Variants in MCM3 observed in about 807,000 individuals in gnomAD.
MCM3 encodes minichromosome maintenance complex component 3.
Under a neutral mutation model 91.3 loss-of-function variants are expected in MCM3, and 59 were observed. The observed-to-expected ratio is 0.65, with a 90% CI of 0.52 to 0.80. The LOEUF is 0.80. Among genes scored for constraint, MCM3 ranks in the 30% least tolerant of loss-of-function variants. The pLI is 0.00. For synonymous variants in MCM3, 383 were observed against 379.6 expected, an observed-to-expected ratio of 1.01 and a Z score of -0.10; for missense variants, 919 against 1,035.4, an observed-to-expected ratio of 0.89 and a Z score of 1.54.
intron 8 of MCM3, 28 bp downstream of exon 8, chr6:52,277,039 C>A (rs759609421): frequency 1.7e-5 from 27 of 1,602,426 alleles, no homozygotes; most frequent in Non-Finnish European, 2.3e-5. Flanking sequence ...CTCTGCTGGG[C>A]CTTTGCCAAG....
intron 12 of MCM3, 131 bp from the exon 13 acceptor site, chr6:52,269,357 G>A: frequency 2.7e-6 from 2 of 730,144 alleles, no homozygotes; most frequent in Non-Finnish European, 4.5e-6. Flanking sequence ...AGAGTTCTGT[G>A]TTCTCTACAG....
intron 1 of MCM3, among the ~76,000 whole-genome samples, chr6:52,283,648 C>G (rs17239825): frequency 0.038 from 5,786 of 152,300 alleles, 149 homozygotes; most frequent in Middle Eastern, 0.078. Flanking sequence ...TTCCCATCAT[C>G]ATGGACAACT....
At chr6:52,281,711 G>A (rs929077556) in intron 4 of MCM3, among the ~76,000 whole-genome samples, 6 of 152,006 alleles carry the variant, frequency 3.9e-5, no homozygotes, top group Non-Finnish European at 7.4e-5. Flanking sequence ...GCCAGGTGGC[G>A]TAGCACATGC....
rs1022041777 is a variant in MCM3, at chr6:52,283,485, A to C, written c.79-79T>G. 3 of 955,656 alleles carry C rather than the reference A, an allele frequency of 3.1e-6. No individual in the cohort carries two copies. The Admixed American group carries it at 5.2e-5, about 16-fold the overall frequency. 59.2% of individuals were successfully genotyped at this position (955,656 alleles called of 1,614,324 possible). A position where few individuals can be genotyped will look rare whatever the true frequency, so the allele number is the denominator to read the frequency against. On this transcript the variant is annotated intron_variant, in intron 1 of 16. Coordinates refer to ENST00000596288, the MANE Select transcript of MCM3 (RefSeq NM_002388.6). ...CTAAACAGAAGTAGTTCTCATAGCC[A>C]GATAGCTAAGTCAATCTCTGCAGCA...
intron 13 of MCM3, among the ~76,000 whole-genome samples, 185 bp downstream of exon 13, chr6:52,268,901 T>G (rs1390721525): frequency 2.0e-5 from 3 of 152,210 alleles, no homozygotes; most frequent in Non-Finnish European, 4.4e-5. Context: ...GATTCTCTGG[T>G]GCAGTCAGGG....
intron 8 of MCM3, 36 bp from the exon 9 acceptor site, chr6:52,276,512 C>A: frequency 1.3e-6 from 2 of 1,563,246 alleles, no homozygotes; most frequent in South Asian, 2.3e-5. Flanking sequence ...GTGCTACAGT[C>A]TAGGTTATAG....
chr6:52,266,733 T>C lies in MCM3; in HGVS notation c.2073-37A>G, dbSNP rs765673519. ...ACAGCAGTTAAGAGAGAGAAAGAGT[T>C]TGGAGACAGAAAGGCAAGGAAGCCC... is the stretch of plus-strand genomic sequence containing the variant. On this transcript the variant is annotated intron_variant, in intron 14 of 16. Transcript: ENST00000596288. The C allele has an allele frequency of 5.8e-6, 9 of 1,553,406 alleles. No homozygotes were observed. In the South Asian group the frequency reaches 8.9e-5, roughly 15 times the overall value.
At chr6:52,281,607 G>A (rs1766103217) in intron 4 of MCM3, among the ~76,000 whole-genome samples, 1 of 152,036 alleles carries the variant, frequency 6.6e-6, no homozygotes, top group African/African-American at 2.4e-5. Flanking sequence ...TTGAGTCCAG[G>A]AGTTTCAGGC....
intron 14 of MCM3, among the ~76,000 whole-genome samples, chr6:52,267,032 C>T (rs1189843795): frequency 6.6e-6 from 1 of 151,148 alleles, no homozygotes; most frequent in Non-Finnish European, 1.5e-5. Flanking sequence ...AGCATTTCTT[C>T]AGTAGAGGGG....
chr6:52,270,793 G>A (rs1765068031), intron 12 of MCM3, among the ~76,000 whole-genome samples: 2 of 152,348 alleles, frequency 1.3e-5, no homozygotes, highest in South Asian at 4.1e-4. Flanking sequence ...TAATGAGGAA[G>A]ACAGGCGATA....
chr6:52,269,552 G>A (rs1031914473), intron 12 of MCM3, among the ~76,000 whole-genome samples: 2 of 152,172 alleles, frequency 1.3e-5, no homozygotes, highest in Non-Finnish European at 2.9e-5. Context: ...AATGCAGCAG[G>A]AAGTTTGCCT....
At chr6:52,266,348 G>T (rs1764639861) in intron 15 of MCM3, among the ~76,000 whole-genome samples, 1 of 152,172 alleles carries the variant, frequency 6.6e-6, no homozygotes. Flanking sequence ...AGTCAGGCAG[G>T]AGACCCTCAA....
chr6:52,277,237 C>A (rs1369745489), intron 7 of MCM3, 39 bp from the exon 8 acceptor site: 2 of 1,588,800 alleles, frequency 1.3e-6, no homozygotes, highest in Non-Finnish European at 1.7e-6. Context: ...TAGGAAACTC[C>A]CCAGCACCCC....
chr6:52,277,315 T>C lies in MCM3; in HGVS notation c.1034-117A>G, dbSNP rs1008422178. 12 of 1,195,716 alleles carry C rather than the reference T, an allele frequency of 1.0e-5. No homozygotes were observed. In the African/African-American group the frequency reaches 1.5e-4, roughly 15 times the overall value. 74.1% of individuals were successfully genotyped at this position (1,195,716 alleles called of 1,614,324 possible). On this transcript the variant is annotated intron_variant, in intron 7 of 16. Coordinates refer to ENST00000596288, the MANE Select transcript of MCM3 (RefSeq NM_002388.6). ...GTCACACAGTAAGTGGATTTTAATA[T>C]TTTTCCTTCGCTTTTCCCTTCACCA...
chr6:52,280,538 TAGCAG>T (rs1343430885), intron 4 of MCM3, among the ~76,000 whole-genome samples: 1 of 152,234 alleles, frequency 6.6e-6, no homozygotes, highest in Non-Finnish European at 1.5e-5. Context: ...CACAGTTAAG[TAGCAG>T]AGTCTTGACT....
At chr6:52,272,162 A>T in intron 12 of MCM3, 139 bp downstream of exon 12, 1 of 774,746 alleles carries the variant, frequency 1.3e-6, no homozygotes, top group Non-Finnish European at 1.9e-6. Context: ...GGAAATGATT[A>T]AAATTGTATA....
Position 52,271,040 on chromosome 6 carries a change from G to A in MCM3, c.1827+1261C>T, listed in dbSNP as rs141516602. ...AGCCTGGTCAACACAGTGAAACCCCGTCTCTACTAAAAATACAAAATTAGC... is the reference window on the plus strand; with the variant it reads ...AGCCTGGTCAACACAGTGAAACCCCATCTCTACTAAAAATACAAAATTAGC... On this transcript the variant is annotated intron_variant, in intron 12 of 16. Transcript: ENST00000596288. 2.2e-3 allele frequency among the ~76,000 whole-genome samples: 328 copies of A among 151,990 alleles called. 3 individuals carry two copies. The highest frequency in any genetic ancestry group is 0.011 in the South Asian group (55 of 4,810).
At chr6:52,275,994 C>A in intron 9 of MCM3, 1 of 395,186 alleles carries the variant, frequency 2.5e-6, no homozygotes, top group East Asian at 4.9e-5. Flanking sequence ...TGCATGTAGT[C>A]CTTTTATTTA....
At position 52,268,065 on chromosome 6, in the gene MCM3, G is replaced by C; in HGVS notation, c.1969-97C>G. On this transcript the variant is annotated intron_variant, in intron 13 of 16. Transcript: ENST00000596288. ...TCCCTTCTGCATCATAAGCAGGAAA[G>C]ACTTCCATGTTTCCAATGGTTTACC... The C allele has an allele frequency of 1.9e-6, 3 of 1,557,838 alleles. No individual in the cohort carries two copies. In the South Asian group the frequency reaches 3.4e-5, roughly 17 times the overall value.
Sources: allele counts gnomAD v4.1 joint callset (sites outside exome capture counted in the v4.1 genomes callset), GRCh38; gene constraint gnomAD v4.1.1; transcripts MANE v1.5; gene names NCBI Gene and HGNC (gene_info 2026-07-23, HGNC 2026-07-21).